The following EHBP1 variants were observed in gnomAD, a reference collection of about 807,000 sequenced individuals.
The protein encoded by EHBP1 is EH domain-binding protein 1.
EHBP1 carries 55 observed loss-of-function variants against 144.0 expected under a neutral mutation model. The observed-to-expected ratio is 0.38, with a 90% CI of 0.31 to 0.48. The LOEUF is 0.48. Ranked by LOEUF, EHBP1 falls within the 20% of genes least tolerant of loss-of-function variation. The probability of loss-of-function intolerance (pLI) is 0.98; values close to 1 mark genes in which losing one functional copy is unlikely to be tolerated. For synonymous variants in EHBP1, 469 were observed against 472.7 expected, an observed-to-expected ratio of 0.99 and a Z score of 0.10; for missense variants, 1,200 against 1,364.2, an observed-to-expected ratio of 0.88 and a Z score of 1.90.
intron 19 of EHBP1, among the ~76,000 whole-genome samples, chr2:63,027,919 TTTTG>T (rs568499486): frequency 1.1e-4 from 16 of 152,132 alleles, no homozygotes; most frequent in African/African-American, 2.4e-4. Flanking sequence ...GAGTATATGT[TTTTG>T]TTTGTTTGTT....
chr2:63,005,587 T>A (rs1440314309), intron 19 of EHBP1, among the ~76,000 whole-genome samples: 1 of 152,104 alleles, frequency 6.6e-6, no homozygotes, highest in African/African-American at 2.4e-5. Flanking sequence ...ATATCACTCA[T>A]AATTATCCAT....
intron 12 of EHBP1, among the ~76,000 whole-genome samples, chr2:62,947,615 C>G (rs1245715520): frequency 2.6e-5 from 4 of 152,080 alleles, no homozygotes; most frequent in African/African-American, 7.2e-5. Context: ...TTATTCAAAA[C>G]TAGAAAAACC....
intron 10 of EHBP1, among the ~76,000 whole-genome samples, chr2:62,919,867 CTG>C (rs1447886991): frequency 6.6e-6 from 1 of 151,798 alleles, no homozygotes; most frequent in Non-Finnish European, 1.5e-5. Context: ...AGTACAATAA[CTG>C]AAACAAAAAA....
intron 15 of EHBP1, among the ~76,000 whole-genome samples, chr2:62,988,985 C>T (rs535395339): frequency 2.6e-5 from 4 of 152,188 alleles, no homozygotes; most frequent in East Asian, 3.9e-4. Context: ...CTGACTATAA[C>T]GAACACTCAA....
chr2:62,896,602 C>G (rs772710606), intron 10 of EHBP1, among the ~76,000 whole-genome samples: 2 of 151,824 alleles, frequency 1.3e-5, no homozygotes, highest in Non-Finnish European at 2.9e-5. Context: ...CCTGATTTTA[C>G]CTCTCTGCTT....
At chr2:62,870,413 A>G (rs2050366827) in intron 9 of EHBP1, among the ~76,000 whole-genome samples, 1 of 152,136 alleles carries the variant, frequency 6.6e-6, no homozygotes, top group Non-Finnish European at 1.5e-5. Context: ...TTAATAACCA[A>G]CTTCAAATAT....
intron 15 of EHBP1, among the ~76,000 whole-genome samples, chr2:62,980,842 T>A (rs1272622772): frequency 6.8e-6 from 1 of 147,606 alleles, no homozygotes; most frequent in Non-Finnish European, 1.5e-5. Context: ...TATATTTTAA[T>A]TTTTTTTCAC....
intron 13 of EHBP1, among the ~76,000 whole-genome samples, chr2:62,953,772 A>G (rs1437851109): frequency 6.6e-6 from 1 of 151,884 alleles, no homozygotes; most frequent in Non-Finnish European, 1.5e-5. Flanking sequence ...AGGAAAATTA[A>G]AAAAAAACTG....
chr2:62,735,065 T>A (rs1484536861), intron 2 of EHBP1, among the ~76,000 whole-genome samples: 3 of 152,180 alleles, frequency 2.0e-5, no homozygotes, highest in Non-Finnish European at 4.4e-5. Flanking sequence ...CATGCCTGGC[T>A]TAAATTATTT....
chr2:62,860,228 G>A (rs578197233), intron 8 of EHBP1, among the ~76,000 whole-genome samples: 16 of 152,220 alleles, frequency 1.1e-4, no homozygotes, highest in Admixed American at 4.6e-4. Context: ...GGTGGCTCAC[G>A]CCTGTAATCT....
chr2:62,747,310 T>C, intron 2 of EHBP1, 85 bp from the exon 3 acceptor site: 2 of 1,163,812 alleles, frequency 1.7e-6, no homozygotes, highest in Non-Finnish European at 2.5e-6. Context: ...CTAAAGCAGA[T>C]GACATTTTTG....
chr2:63,024,101 T>G (rs1391171720), intron 19 of EHBP1, among the ~76,000 whole-genome samples: 1 of 152,054 alleles, frequency 6.6e-6, no homozygotes, highest in Non-Finnish European at 1.5e-5. Flanking sequence ...ATCCCAACAC[T>G]TTGGGAGGCC....
rs1320546813 is a variant in EHBP1, at chr2:62,772,123, AAGAG to A, written c.312+737_312+740del. On this transcript the variant is annotated intron_variant, in intron 5 of 22. Coordinates refer to ENST00000431489, the MANE Select transcript of EHBP1 (RefSeq NM_001142616.3). The stretch of plus-strand genomic sequence containing the variant: ...AACTCCATCAAGAAAGAAAGAGAGC[AAGAG>A]AGAGAAAGAAGGAAAGAAAAAGAGA... 4 of 150,228 alleles carry A rather than the reference AAGAG, an allele frequency of 2.7e-5. No individual in the cohort carries two copies. In the East Asian group the frequency reaches 8.0e-4, roughly 30 times the overall value. The allele number at this position is 150,228 out of a possible 1,614,324, so 9.3% of individuals were successfully genotyped here.
chr2:62,875,655 G>T (rs2050836053), intron 10 of EHBP1, among the ~76,000 whole-genome samples: 1 of 152,162 alleles, frequency 6.6e-6, no homozygotes, highest in African/African-American at 2.4e-5. Flanking sequence ...TGGCTAAAAT[G>T]ACAGACATAG....
chr2:62,813,208 G>A (rs1278867828), intron 5 of EHBP1, among the ~76,000 whole-genome samples: 1 of 152,360 alleles, frequency 6.6e-6, no homozygotes, highest in East Asian at 1.9e-4. Flanking sequence ...AGCCATGGCT[G>A]TGGTTCAAGC....
At chr2:62,853,888 G>T (rs1283588074) in intron 7 of EHBP1, among the ~76,000 whole-genome samples, 1 of 152,106 alleles carries the variant, frequency 6.6e-6, no homozygotes, top group Non-Finnish European at 1.5e-5. Flanking sequence ...ATTTTGGAAG[G>T]CGTCTTTTTT....
intron 10 of EHBP1, among the ~76,000 whole-genome samples, chr2:62,928,208 A>C (rs2055685019): frequency 6.6e-6 from 1 of 152,182 alleles, no homozygotes; most frequent in African/African-American, 2.4e-5. Context: ...TCTGAACCTG[A>C]AAGTGTCATG....
intron 1 of EHBP1, among the ~76,000 whole-genome samples, chr2:62,674,418 C>G (rs1572845879): frequency 6.6e-6 from 1 of 152,154 alleles, no homozygotes; most frequent in South Asian, 2.1e-4. Context: ...GGGAAGTTTG[C>G]TTTATATTAG....
chr2:62,780,926 T>C (rs1389625305), intron 5 of EHBP1, among the ~76,000 whole-genome samples: 1 of 152,186 alleles, frequency 6.6e-6, no homozygotes, highest in African/African-American at 2.4e-5. Flanking sequence ...TTCGTCTTTA[T>C]TGACATTGAT....
Sources: gnomAD v4.1 joint callset for allele counts (sites outside exome capture counted in the v4.1 genomes callset) on GRCh38, gnomAD v4.1.1 for gene constraint, MANE v1.5 for transcripts, NCBI Gene and HGNC (gene_info 2026-07-23, HGNC 2026-07-21) for gene names.